Variants in CUX2 observed in about 807,000 individuals in gnomAD.
CUX2 encodes cut like homeobox 2.
A neutral mutation model predicts 144.8 loss-of-function variants in CUX2; 40 were observed. That is an observed-to-expected ratio of 0.28 (90% CI 0.21 to 0.36). CUX2 has a LOEUF of 0.36. CUX2 is among the 10% of genes least tolerant of loss of function. The pLI is 1.00. For missense variants in CUX2, 1,615 were observed against 1,994.0 expected (o/e 0.81, Z 3.62); for synonymous variants, 827 against 875.6 (o/e 0.94, Z 0.98).
intron 1 of CUX2, among the ~76,000 whole-genome samples, chr12:111,120,126 C>T (rs1366369505): frequency 1.3e-5 from 2 of 152,166 alleles, no homozygotes; most frequent in Non-Finnish European, 2.9e-5. Context: ...CCCACATCCC[C>T]ATGGCCTTGC....
intron 1 of CUX2, among the ~76,000 whole-genome samples, chr12:111,079,771 C>T (rs116806209): frequency 6.6e-6 from 1 of 152,166 alleles, no homozygotes. Context: ...GCATGTGTGT[C>T]CAGGTCAGTT....
At chr12:111,249,400 CTTT>C (rs778334868) in intron 3 of CUX2, among the ~76,000 whole-genome samples, 1,097 of 80,064 alleles carry the variant, frequency 0.014, 21 homozygotes, top group African/African-American at 0.049. Flanking sequence ...GTGCTATTGC[CTTT>C]TTTTTTTTTT....
At chr12:111,284,903 C>T (rs1218580835) in intron 4 of CUX2, among the ~76,000 whole-genome samples, 5 of 152,170 alleles carry the variant, frequency 3.3e-5, no homozygotes, top group Admixed American at 6.6e-5. Context: ...GAGCCTGTTT[C>T]CTCCTCTTTC....
intron 4 of CUX2, among the ~76,000 whole-genome samples, chr12:111,269,416 G>A (rs1884534705): frequency 6.6e-6 from 1 of 152,190 alleles, no homozygotes; most frequent in Non-Finnish European, 1.5e-5. Context: ...CATTTATTGA[G>A]TGCCTACTGT....
Position 111,145,849 on chromosome 12 carries a change from G to A in CUX2, c.64-68351G>A, listed in dbSNP as rs1421664294. On this transcript the variant is annotated intron_variant, in intron 1 of 21. Transcript: ENST00000261726. ...ACCCAGCTTTTTTGTTTGTTTGTTT[G>A]TTTGTTTTTGTTTTGTTTTGTTTTG... Among the ~76,000 whole-genome samples the A allele has an allele frequency of 2.0e-5, 3 of 151,532 alleles. No homozygotes were observed. In the East Asian group the frequency reaches 5.8e-4, roughly 29 times the overall value.
intron 1 of CUX2, among the ~76,000 whole-genome samples, chr12:111,100,823 A>T (rs142605266): frequency 1.6e-4 from 25 of 152,332 alleles, no homozygotes; most frequent in Non-Finnish European, 3.5e-4. Flanking sequence ...CATGTGTTGC[A>T]TATGAGCACA....
chr12:111,085,130 G>A (rs1286483287), intron 1 of CUX2, among the ~76,000 whole-genome samples: 1 of 152,214 alleles, frequency 6.6e-6, no homozygotes, highest in Non-Finnish European at 1.5e-5. Context: ...TAAAAATGGT[G>A]AAGGAAAGGA....
intron 4 of CUX2, among the ~76,000 whole-genome samples, chr12:111,276,643 G>GTTTGTTTTGTTTTGT (rs60318566): frequency 2.0e-5 from 3 of 150,990 alleles, no homozygotes; most frequent in African/African-American, 7.4e-5. Flanking sequence ...TTGTTTGTTT[G>GTTTGTTTTGTTTTGT]TTTGTTTTGT....
In CUX2 at chr12:111,178,519, G is replaced by A. The variant is rs1027939349; in HGVS notation, c.64-35681G>A. On this transcript the variant is annotated intron_variant, in intron 1 of 21. Coordinates refer to ENST00000261726, the MANE Select transcript of CUX2 (RefSeq NM_015267.4). The surrounding 1 kb of genome is among the most constrained non-coding windows in gnomAD (Gnocchi z 5.7). ...CCCTCCCCCATTTAAAACACAGAAC[G>A]TGACTGAGAACTAGAACTGGATTTG... Among the ~76,000 whole-genome samples the A allele has an allele frequency of 3.9e-5, 6 of 152,134 alleles. No individual in the cohort carries two copies. Among genetic ancestry groups the A allele is most frequent in the Admixed American group, 1.3e-4 (2 of 15,262 alleles).
intron 4 of CUX2, among the ~76,000 whole-genome samples, chr12:111,290,128 A>G (rs1388606576): frequency 6.6e-6 from 1 of 152,226 alleles, no homozygotes; most frequent in Non-Finnish European, 1.5e-5. Flanking sequence ...ACAGTCTTAA[A>G]GTGCCACAGA....
chr12:111,249,400 CTTTTTTT>C (rs778334868), intron 3 of CUX2, among the ~76,000 whole-genome samples: 17 of 80,108 alleles, frequency 2.1e-4, no homozygotes, highest in Middle Eastern at 0.02. Context: ...GTGCTATTGC[CTTTTTTT>C]TTTTTTTTTT....
intron 3 of CUX2, among the ~76,000 whole-genome samples, chr12:111,258,241 G>A (rs547405842): frequency 5.3e-5 from 8 of 152,296 alleles, no homozygotes; most frequent in East Asian, 3.9e-4. Context: ...TAAGGACCGC[G>A]GTGGCTCACG....
At chr12:111,122,817 AGTGAACTTCAAATG>A (rs1343717939) in intron 1 of CUX2, among the ~76,000 whole-genome samples, 5 of 152,240 alleles carry the variant, frequency 3.3e-5, no homozygotes, top group Non-Finnish European at 5.9e-5. Context: ...CAGTGCATGC[AGTGAACTTCAAATG>A]GGGCAGGGGA....
intron 4 of CUX2, among the ~76,000 whole-genome samples, chr12:111,283,618 G>C (rs551172586): frequency 6.6e-6 from 1 of 152,124 alleles, no homozygotes; most frequent in Non-Finnish European, 1.5e-5. Flanking sequence ...GCTTGGGGAC[G>C]CTAAGTGACT....
chr12:111,252,610 A>G (rs1189534895), intron 3 of CUX2, among the ~76,000 whole-genome samples: 2 of 152,112 alleles, frequency 1.3e-5, no homozygotes, highest in Non-Finnish European at 2.9e-5. Flanking sequence ...TAAGTTTGGC[A>G]GCTTGGCAGG....
At chr12:111,328,982 T>TCTCTCTCTCTCCCCCC (rs1887963639) in intron 18 of CUX2, among the ~76,000 whole-genome samples, 5 of 78,238 alleles carry the variant, frequency 6.4e-5, no homozygotes, top group African/African-American at 3.9e-4. Context: ...TCTCCCCCTC[T>TCTCTCTCTCTCCCCCC]CTCCCTCTCT....
intron 18 of CUX2, among the ~76,000 whole-genome samples, chr12:111,330,726 T>TATACAC (rs1565926279): frequency 3.6e-5 from 2 of 55,856 alleles, no homozygotes; most frequent in African/African-American, 1.6e-4. Context: ...TATATATATA[T>TATACAC]ATATATATAT....
intron 1 of CUX2, among the ~76,000 whole-genome samples, chr12:111,144,118 G>C (rs1378212104): frequency 2.0e-5 from 3 of 152,136 alleles, no homozygotes; most frequent in Non-Finnish European, 4.4e-5. Flanking sequence ...CCCCCTATTA[G>C]ATCATGAGGT....
intron 1 of CUX2, among the ~76,000 whole-genome samples, chr12:111,085,931 T>C (rs1450543262): frequency 6.6e-6 from 1 of 152,246 alleles, no homozygotes; most frequent in Non-Finnish European, 1.5e-5. Context: ...GAGACTTTTC[T>C]GCACTTATTA....
Sources: allele counts gnomAD v4.1 joint callset (sites outside exome capture counted in the v4.1 genomes callset), GRCh38; gene constraint gnomAD v4.1.1; non-coding constraint Gnocchi (gnomAD v3.1); transcripts MANE v1.5; gene names NCBI Gene and HGNC (gene_info 2026-07-23, HGNC 2026-07-21).